The following SLC9A3 variants were observed in gnomAD, a reference collection of about 807,000 sequenced individuals.
SLC9A3 encodes the protein sodium/hydrogen exchanger 3.
A neutral mutation model predicts 86.8 loss-of-function variants in SLC9A3; 37 were observed. The ratio of observed to expected loss-of-function variants is 0.43; its 90% confidence interval spans 0.33 to 0.56. The LOEUF is 0.56. Among genes scored for constraint, SLC9A3 ranks in the 20% least tolerant of loss-of-function variants. The pLI is 0.06. For synonymous variants in SLC9A3, 581 were observed against 528.3 expected (o/e 1.10, Z -1.37); for missense variants, 1,011 against 1,171.9 (o/e 0.86, Z 2.00).
rs1029074426 is a variant in SLC9A3, at chr5:496,308, G to A, written c.212-4237C>T. 6.6e-5 allele frequency among the ~76,000 whole-genome samples: 10 copies of A among 151,194 alleles called. No homozygotes were observed. The highest frequency in any genetic ancestry group is 3.4e-3 in the Middle Eastern group (1 of 294). ...TGTGTCCTCCTGCATGGGACATGCC[G>A]TCCCACCTGCCCACGGGGGAGGAGC... On this transcript the variant is annotated intron_variant, in intron 1 of 16. Coordinates refer to ENST00000264938, the MANE Select transcript of SLC9A3 (RefSeq NM_004174.4). This position sits in a 1 kb window ranked among gnomAD's most constrained non-coding sequence, Gnocchi z 4.7.
chr5:501,352 C>T (rs1282065521), intron 1 of SLC9A3, among the ~76,000 whole-genome samples: 4 of 152,228 alleles, frequency 2.6e-5, no homozygotes, highest in Non-Finnish European at 5.9e-5. Flanking sequence ...AAAAATGCAA[C>T]AGCGCAGTCA....
Position 482,098 on chromosome 5 carries a change from T to A in SLC9A3, c.1416A>T (p.Glu472Asp), listed in dbSNP as rs144153604. The change falls in exon 8 of 17, where the codon GAA becomes GAT. Residue 472 changes from glutamate to aspartate, a missense_variant. Coordinates refer to ENST00000264938, the MANE Select transcript of SLC9A3 (RefSeq NM_004174.4). ...WLKVKRSEHREPRLNEKLHGR... is the reference protein window; with the variant it reads ...WLKVKRSEHRDPRLNEKLHGR... The stretch of plus-strand genomic sequence containing the variant: ...CGTGCAGCTTCTCGTTGAGCCGAGG[T>A]TCCCGGTGCTCGCTCCTCTTCACCT... 1 of 1,595,912 alleles carries A rather than the reference T, an allele frequency of 6.3e-7. No homozygotes were observed. Among genetic ancestry groups the A allele is most frequent in the Non-Finnish European group, 8.5e-7 (1 of 1,172,204 alleles).
At chr5:475,155 G>C (rs958340040) in intron 15 of SLC9A3, 23 bp from the exon 16 acceptor site, 3 of 1,550,566 alleles carry the variant, frequency 1.9e-6, no homozygotes, top group Non-Finnish European at 2.6e-6. Context: ...GCAGCGGCTA[G>C]TCAGCCTTCG....
Position 491,670 on chromosome 5 carries a change from G to A in SLC9A3, c.514+99C>T. ...TCTCACCTGACACTTACCGCCTGGAGGCCAGGGTGCGGCACCCCGACCTTT... is the reference window on the plus strand; with the variant it reads ...TCTCACCTGACACTTACCGCCTGGAAGCCAGGGTGCGGCACCCCGACCTTT... On this transcript the variant is annotated intron_variant, in intron 2 of 16. Coordinates refer to ENST00000264938, the MANE Select transcript of SLC9A3 (RefSeq NM_004174.4). This position sits in a 1 kb window ranked among gnomAD's most constrained non-coding sequence, Gnocchi z 9.2. The A allele has an allele frequency of 8.8e-7, 1 of 1,139,768 alleles. No homozygotes were observed. Among genetic ancestry groups the A allele is most frequent in the Non-Finnish European group, 1.2e-6 (1 of 824,618 alleles). 70.6% of individuals were successfully genotyped at this position (1,139,768 alleles called of 1,614,324 possible). A position where few individuals can be genotyped will look rare whatever the true frequency, so the allele number is the denominator to read the frequency against.
At chr5:498,433 C>T (rs1040896036) in intron 1 of SLC9A3, among the ~76,000 whole-genome samples, 2 of 152,198 alleles carry the variant, frequency 1.3e-5, no homozygotes, top group African/African-American at 2.4e-5. Flanking sequence ...GACATCATCT[C>T]GTTCTGTCAC....
intron 1 of SLC9A3, among the ~76,000 whole-genome samples, chr5:523,565 C>G (rs1406516138): frequency 1.3e-5 from 2 of 149,122 alleles, no homozygotes. Flanking sequence ...TCATTGGCGC[C>G]GGTTAAGAAG....
At chr5:478,289 C>T (rs952379283) in intron 10 of SLC9A3, 1 of 152,298 alleles carries the variant, frequency 6.6e-6, no homozygotes, top group African/African-American at 2.4e-5. Context: ...CTTTGTCCCG[C>T]TCCTGCCACC....
In SLC9A3 at chr5:474,868, G is replaced by A. The variant is rs762742994; in HGVS notation, c.2501+15C>T. ...GCGGAGAGGGGTTAGGCGGCGGGAG[G>A]CCCGGGAGCGTTACATGTGTGTGGA... On this transcript the variant is annotated intron_variant, in intron 16 of 16. Coordinates refer to ENST00000264938, the MANE Select transcript of SLC9A3 (RefSeq NM_004174.4). The A allele has an allele frequency of 2.2e-5, 35 of 1,583,326 alleles. No homozygotes were observed. The highest frequency in any genetic ancestry group is 2.9e-5 in the Non-Finnish European group (34 of 1,165,634).
In SLC9A3 at chr5:492,042, C is replaced by T. The variant is rs1409190584; in HGVS notation, c.241G>A (p.Val81Met). 29 of 1,512,098 alleles carry T rather than the reference C, an allele frequency of 1.9e-5. No homozygotes were observed. The highest frequency in any genetic ancestry group is 1.7e-4 in the Admixed American group (9 of 52,262). 93.7% of individuals were successfully genotyped at this position (1,512,098 alleles called of 1,614,324 possible). Residue 81 changes from valine to methionine, a missense_variant, in exon 2 of 17, where the codon GTG (valine) becomes ATG (methionine). Physicochemically the swap from Val to Met is conservative, Grantham distance 21. Coordinates refer to ENST00000264938, the MANE Select transcript of SLC9A3 (RefSeq NM_004174.4). Reference sequence around the variant, plus strand: ...ATGAGCAGGGCGCTCTCGGGAACCACGCTGGTGACCTTGTGGGACAGGTGG... The same window carrying T: ...ATGAGCAGGGCGCTCTCGGGAACCATGCTGGTGACCTTGTGGGACAGGTGG... ...GFHLSHKVTS[V>M]VPESALLIVL... is the part of the protein sequence containing the mutation.
Position 472,174 on chromosome 5 carries a change from G to C in SLC9A3, c.*1205C>G. ...GCGGCCTCCGCCCACTCAATGGACT[G>C]TGCCTCCCAGAGCTTGGGCTGGATG... On this transcript the variant is annotated 3_prime_UTR_variant, in exon 17 of 17. Coordinates refer to ENST00000264938, the MANE Select transcript of SLC9A3 (RefSeq NM_004174.4). 3.3e-5 allele frequency: 12 copies of C among 368,840 alleles called. No individual in the cohort carries two copies. The highest frequency in any genetic ancestry group is 2.2e-4 in the South Asian group (11 of 49,344). 22.8% of individuals were successfully genotyped at this position (368,840 alleles called of 1,614,324 possible). A position where few individuals can be genotyped will look rare whatever the true frequency, so the allele number is the denominator to read the frequency against.
intron 1 of SLC9A3, among the ~76,000 whole-genome samples, chr5:506,320 C>T (rs528399300): frequency 3.0e-4 from 45 of 152,300 alleles, no homozygotes; most frequent in Non-Finnish European, 4.7e-4. Context: ...GGGCTGGAGA[C>T]GCGCGGAACC....
In SLC9A3 at chr5:474,985, C is replaced by G. The variant is rs759370533; in HGVS notation, c.2399G>C (p.Arg800Pro). The change falls in exon 16 of 17, where the codon CGC (arginine) becomes CCC (proline). Residue 800 changes from arginine (R) to proline (P), a missense_variant. By Grantham distance (103) the Arg-to-Pro change is moderately radical. This residue lies in a region of SLC9A3 where 397 missense variants were observed against 346.3 expected (regional missense o/e 1.15). Coordinates refer to ENST00000264938, the MANE Select transcript of SLC9A3 (RefSeq NM_004174.4). ...GCTGCTGAGGCGGAAGGGCATCAGG[C>G]GGCAGAAGGTGCCGGGAGAGTAGGG... is the stretch of plus-strand genomic sequence containing the variant. ...QIPYSPGTFC[R>P]LMPFRLSSKS... is the part of the protein sequence containing the mutation. 2 of 1,611,490 alleles carry G rather than the reference C, an allele frequency of 1.2e-6. No individual in the cohort carries two copies. The highest frequency in any genetic ancestry group is 1.7e-6 in the Non-Finnish European group (2 of 1,179,278).
Position 497,177 on chromosome 5 carries a change from G to A in SLC9A3, c.212-5106C>T, listed in dbSNP as rs530723131. On this transcript the variant is annotated intron_variant, in intron 1 of 16. Transcript: ENST00000264938. This position sits in a 1 kb window ranked among gnomAD's most constrained non-coding sequence, Gnocchi z 5.4. ...ACAGATGTCTGTTCTTGAAATCCCC[G>A]AGCCTGGAAGTGGATCTGGGTGGCA... Among the ~76,000 whole-genome samples, 5 of 152,278 alleles carry A rather than the reference G, an allele frequency of 3.3e-5. No homozygotes were observed. The highest frequency in any genetic ancestry group is 3.9e-4 in the East Asian group (2 of 5,184).
intron 2 of SLC9A3, among the ~76,000 whole-genome samples, chr5:489,469 G>A (rs907551596): frequency 6.6e-6 from 1 of 152,178 alleles, no homozygotes; most frequent in Non-Finnish European, 1.5e-5. Context: ...ACAGCAGAGA[G>A]CAGCCTGGCC....
Position 496,078 on chromosome 5 carries a change from T to G in SLC9A3, c.212-4007A>C, listed in dbSNP as rs1273844364. 6.6e-6 allele frequency among the ~76,000 whole-genome samples: 1 copy of G among 152,196 alleles called. No homozygotes were observed. The highest frequency in any genetic ancestry group is 2.4e-5 in the African/African-American group (1 of 41,444). ...CCTGCTCAGAAGTAAGCCCTTAAAA[T>G]CCACAGAAAACATCCTCTGACCTTG... is the stretch of plus-strand genomic sequence containing the variant. On this transcript the variant is annotated intron_variant, in intron 1 of 16. Transcript: ENST00000264938. The surrounding 1 kb of genome is among the most constrained non-coding windows in gnomAD (Gnocchi z 4.7).
intron 1 of SLC9A3, among the ~76,000 whole-genome samples, chr5:519,588 G>A (rs939432741): frequency 2.6e-5 from 4 of 152,196 alleles, no homozygotes; most frequent in Non-Finnish European, 4.4e-5. Context: ...CCTGGGACAC[G>A]CTGGGTAAGA....
chr5:484,787 G>T, intron 4 of SLC9A3, 90 bp from the exon 5 acceptor site: 2 of 1,304,710 alleles, frequency 1.5e-6, no homozygotes, highest in Non-Finnish European at 2.2e-6. Flanking sequence ...AGTGCCGGGA[G>T]CCCGGGAAAC....
intron 5 of SLC9A3, 91 bp downstream of exon 5, chr5:484,429 C>G: frequency 8.7e-7 from 1 of 1,152,950 alleles, no homozygotes; most frequent in Non-Finnish European, 1.3e-6. Context: ...GTTGGGGTCC[C>G]CCTGGCTGGC....
At chr5:519,607 G>T (rs948023742) in intron 1 of SLC9A3, among the ~76,000 whole-genome samples, 2 of 152,194 alleles carry the variant, frequency 1.3e-5, no homozygotes, top group Non-Finnish European at 2.9e-5. Context: ...GACAGCGGGG[G>T]TCCGGGAGTC....
Sources: gnomAD v4.1 joint callset for allele counts (sites outside exome capture counted in the v4.1 genomes callset) on GRCh38, gnomAD v4.1.1 for gene constraint, gnomAD v4.1.1 regional missense constraint, Gnocchi (gnomAD v3.1) non-coding constraint, MANE v1.5 for transcripts, NCBI Gene and HGNC (gene_info 2026-07-23, HGNC 2026-07-21) for gene names.